BIRC6: variants seen among roughly 807,000 people sequenced by gnomAD.
The protein encoded by BIRC6 is baculoviral IAP repeat containing 6.
Under a neutral mutation model 503.3 loss-of-function variants are expected in BIRC6, and 98 were observed. The ratio of observed to expected loss-of-function variants is 0.19; its 90% confidence interval spans 0.17 to 0.23. The LOEUF is 0.23. Among genes scored for constraint, BIRC6 ranks in the 10% least tolerant of loss-of-function variants. The pLI, the probability that BIRC6 is intolerant of heterozygous loss-of-function variation, is 1.00. For missense variants in BIRC6, 5,360 were observed against 5,806.0 expected, an observed-to-expected ratio of 0.92 and a Z score of 2.50; for synonymous variants, 2,240 against 2,078.7, an observed-to-expected ratio of 1.08 and a Z score of -2.11.
intron 23 of BIRC6, among the ~76,000 whole-genome samples, chr2:32,459,922 T>C (rs2047646987): frequency 6.6e-6 from 1 of 151,468 alleles, no homozygotes; most frequent in Admixed American, 6.6e-5. Flanking sequence ...CTGGTGACAG[T>C]GCTATATTAT....
intron 17 of BIRC6, among the ~76,000 whole-genome samples, chr2:32,441,689 T>C (rs985680587): frequency 6.6e-6 from 1 of 152,146 alleles, no homozygotes; most frequent in African/African-American, 2.4e-5. Context: ...ATGATAGTTA[T>C]TAATTTGACA....
chr2:32,427,551 G>C (rs1212881588), intron 10 of BIRC6, among the ~76,000 whole-genome samples: 1 of 152,162 alleles, frequency 6.6e-6, no homozygotes, highest in Non-Finnish European at 1.5e-5. Context: ...CTCCCAAGGT[G>C]CTGGGATAAC....
intron 10 of BIRC6, among the ~76,000 whole-genome samples, chr2:32,420,714 G>T (rs939003826): frequency 2.0e-5 from 3 of 151,960 alleles, no homozygotes; most frequent in African/African-American, 7.3e-5. Context: ...GTTTTACTCT[G>T]TTGGCTAGGC....
Position 32,482,438 on chromosome 2 carries a change from A to T in BIRC6, c.7552A>T (p.Ser2518Cys), listed in dbSNP as rs761266659. 2 of 1,613,202 alleles carry T rather than the reference A, an allele frequency of 1.2e-6. No homozygotes were observed. The highest frequency in any genetic ancestry group is 3.3e-5 in the Admixed American group (2 of 59,908). ...LAAKVFKPIS[S>C]TWYDYWGADY... ...TTTCCATTCTTTTAAGCCAATAAGC[A>T]GTACATGGTATGATTATTGGGGTGC... Residue 2518 changes from serine to cysteine, a missense_variant, in exon 39 of 74, where the codon AGT becomes TGT. By Grantham distance (112) the Ser-to-Cys change is moderately radical. Transcript: ENST00000421745.
rs745832571 is a variant in BIRC6, at chr2:32,467,563, A to G, written c.5395A>G (p.Ile1799Val). Residue 1799 changes from isoleucine to valine, a missense_variant, in exon 27 of 74, where the codon ATA becomes GTA. Around this residue, in one of 16 missense-constraint regions of BIRC6, gnomAD observed 2,299 missense variants for 2,267.2 expected, o/e 1.01. Coordinates refer to ENST00000421745, the MANE Select transcript of BIRC6 (RefSeq NM_016252.4). The part of the protein sequence containing the change: ...RFVTLDFGRP[I>V]LLTDVLIPTC... ...TGTGACCTTGGATTTTGGGAGGCCT[A>G]TATTGTTGACTGATGTATTGATTCC... 3.7e-6 allele frequency: 6 copies of G among 1,613,942 alleles called. No individual in the cohort carries two copies. The highest frequency in any genetic ancestry group is 1.7e-5 in the Admixed American group (1 of 60,020).
intron 46 of BIRC6, among the ~76,000 whole-genome samples, chr2:32,500,458 C>A (rs2053028668): frequency 6.7e-6 from 1 of 149,856 alleles, no homozygotes; most frequent in South Asian, 2.1e-4. Context: ...GAGTCTTGCT[C>A]CCACGCTGGA....
At chr2:32,448,719 T>G (rs1349560230) in intron 21 of BIRC6, 76 bp from the exon 22 acceptor site, 8 of 1,438,022 alleles carry the variant, frequency 5.6e-6, no homozygotes, top group Non-Finnish European at 7.6e-6. Flanking sequence ...TCAGACTGCT[T>G]TTAAAACTAA....
intron 3 of BIRC6, among the ~76,000 whole-genome samples, chr2:32,381,261 C>T (rs142763874): frequency 9.9e-4 from 150 of 152,112 alleles, no homozygotes; most frequent in African/African-American, 3.2e-3. Context: ...TCTTTTGAGA[C>T]AGAGTTTTGC....
chr2:32,578,551 T>G (rs2060420992), intron 66 of BIRC6, among the ~76,000 whole-genome samples: 1 of 152,158 alleles, frequency 6.6e-6, no homozygotes, highest in African/African-American at 2.4e-5. Context: ...ATCCCAGCAC[T>G]TTGATAGGCT....
At chr2:32,446,446 A>T (rs1207546819) in intron 21 of BIRC6, among the ~76,000 whole-genome samples, 1 of 152,172 alleles carries the variant, frequency 6.6e-6, no homozygotes. Flanking sequence ...GCGTTCCTTT[A>T]TTTAGAGCAG....
intron 32 of BIRC6, 58 bp downstream of exon 32, chr2:32,471,182 G>T: frequency 6.5e-7 from 1 of 1,537,178 alleles, no homozygotes; most frequent in Non-Finnish European, 8.8e-7. Flanking sequence ...TATGTTGGTG[G>T]GGATTTTGAG....
chr2:32,476,156 A>G, intron 33 of BIRC6, 57 bp from the exon 34 acceptor site: 2 of 1,348,322 alleles, frequency 1.5e-6, no homozygotes, highest in Non-Finnish European at 2.0e-6. Flanking sequence ...GAGGAGTATA[A>G]TAATTTTTTT....
chr2:32,564,325 A>G (rs976213725), intron 65 of BIRC6: 27 of 152,206 alleles, frequency 1.8e-4, no homozygotes, highest in African/African-American at 5.8e-4. Context: ...TTCGGGCTGA[A>G]CAACATTCCA....
intron 51 of BIRC6, 143 bp downstream of exon 51, chr2:32,508,402 TTTA>T (rs1013120367): frequency 1.7e-6 from 2 of 1,146,894 alleles, no homozygotes; most frequent in Non-Finnish European, 2.4e-6. Flanking sequence ...ATAATACAAT[TTTA>T]TTAGGTGTAA....
chr2:32,477,620 C>G (rs772998402), intron 35 of BIRC6, 37 bp downstream of exon 35: 6 of 1,544,072 alleles, frequency 3.9e-6, no homozygotes, highest in African/African-American at 1.4e-5. Context: ...CAGGGTTGGC[C>G]GGGCGCAGTG....
chr2:32,520,684 G>A (rs1241730717), intron 57 of BIRC6, among the ~76,000 whole-genome samples: 4 of 152,154 alleles, frequency 2.6e-5, no homozygotes, highest in Non-Finnish European at 5.9e-5. Flanking sequence ...GGGTATGATA[G>A]CGTGCACCTG....
intron 15 of BIRC6, among the ~76,000 whole-genome samples, chr2:32,438,120 G>A (rs1009792765): frequency 6.6e-6 from 1 of 152,146 alleles, no homozygotes; most frequent in Non-Finnish European, 1.5e-5. Context: ...AAAATGGAGT[G>A]TAGAATTACA....
At chr2:32,607,760 T>C in intron 72 of BIRC6, 117 bp downstream of exon 72, 1 of 772,820 alleles carries the variant, frequency 1.3e-6, no homozygotes, top group Non-Finnish European at 1.9e-6. Context: ...GGTGGATCAC[T>C]TCAGGTCAGG....
At chr2:32,394,148 T>C (rs950926431) in intron 5 of BIRC6, among the ~76,000 whole-genome samples, 1 of 151,082 alleles carries the variant, frequency 6.6e-6, no homozygotes, top group Non-Finnish European at 1.5e-5. Flanking sequence ...TGTTAAGTGA[T>C]GCCTTGATTT....
Sources: gnomAD v4.1 joint callset for allele counts (sites outside exome capture counted in the v4.1 genomes callset) on GRCh38, gnomAD v4.1.1 for gene constraint, gnomAD v4.1.1 regional missense constraint, MANE v1.5 for transcripts, NCBI Gene and HGNC (gene_info 2026-07-23, HGNC 2026-07-21) for gene names.